Variants in ERBB4 observed in about 807,000 individuals in gnomAD.
ERBB4 encodes the protein receptor tyrosine-protein kinase erbB-4.
In ERBB4, 42 loss-of-function variants were observed where a neutral mutation model predicts 158.0. That is an observed-to-expected ratio of 0.27 (90% CI 0.21 to 0.34). The LOEUF is 0.34. Among genes scored for constraint, ERBB4 ranks in the 10% least tolerant of loss-of-function variants. The probability of loss-of-function intolerance (pLI) is 1.00; values close to 1 mark genes in which losing one functional copy is unlikely to be tolerated. For missense variants in ERBB4, 1,333 were observed against 1,624.1 expected (o/e 0.82, Z 3.08); for synonymous variants, 583 against 558.7 (o/e 1.04, Z -0.61).
chr2:211,692,967 T>C (rs1414016714), intron 12 of ERBB4, among the ~76,000 whole-genome samples: 1 of 152,166 alleles, frequency 6.6e-6, no homozygotes, highest in Non-Finnish European at 1.5e-5. Flanking sequence ...ACAAAGAAGT[T>C]GGGGAAGCAG....
chr2:212,267,427 A>G (rs1167389445), intron 1 of ERBB4, among the ~76,000 whole-genome samples: 2 of 151,828 alleles, frequency 1.3e-5, no homozygotes, highest in Non-Finnish European at 2.9e-5. Flanking sequence ...AACTTCTGTG[A>G]CCTATATTTG....
intron 1 of ERBB4, among the ~76,000 whole-genome samples, chr2:212,442,941 G>T (rs537626026): frequency 2.4e-4 from 36 of 152,368 alleles, no homozygotes; most frequent in Non-Finnish European, 4.3e-4. Flanking sequence ...GCAGAAGACA[G>T]ATGGATCTTG....
chr2:211,596,674 C>T (rs569170297), intron 19 of ERBB4, among the ~76,000 whole-genome samples: 1 of 152,102 alleles, frequency 6.6e-6, no homozygotes, highest in African/African-American at 2.4e-5. Flanking sequence ...CTCTTGATGA[C>T]TTTTTTTCCC....
intron 20 of ERBB4, among the ~76,000 whole-genome samples, chr2:211,548,734 G>T (rs2067005265): frequency 6.6e-6 from 1 of 152,030 alleles, no homozygotes; most frequent in Admixed American, 6.5e-5. Flanking sequence ...CACATTAGAT[G>T]ATCTTAAAGC....
At chr2:211,977,591 G>A (rs959462414) in intron 2 of ERBB4, among the ~76,000 whole-genome samples, 6 of 141,514 alleles carry the variant, frequency 4.2e-5, no homozygotes, top group African/African-American at 7.8e-5. Context: ...TAATCCTAGC[G>A]CTTTGGGAGC....
At chr2:211,408,158 A>G (rs2125370636) in intron 25 of ERBB4, among the ~76,000 whole-genome samples, 1 of 152,348 alleles carries the variant, frequency 6.6e-6, no homozygotes, top group Middle Eastern at 3.4e-3. Context: ...AAAGTTGATG[A>G]TAATGTGCCA....
chr2:211,965,030 C>G (rs922722730), intron 2 of ERBB4, among the ~76,000 whole-genome samples: 1 of 152,182 alleles, frequency 6.6e-6, no homozygotes, highest in Non-Finnish European at 1.5e-5. Context: ...TTCCTCCACA[C>G]AGACTATTAC....
At chr2:212,010,791 C>T (rs1575511952) in intron 2 of ERBB4, among the ~76,000 whole-genome samples, 1 of 152,110 alleles carries the variant, frequency 6.6e-6, no homozygotes, top group African/African-American at 2.4e-5. Context: ...TTATCTCAAC[C>T]ACATAAGACA....
At chr2:211,397,560 A>G (rs2125344181) in intron 25 of ERBB4, among the ~76,000 whole-genome samples, 1 of 152,274 alleles carries the variant, frequency 6.6e-6, no homozygotes, top group East Asian at 1.9e-4. Context: ...CCTAATTAGA[A>G]AAACATCTAT....
intron 1 of ERBB4, among the ~76,000 whole-genome samples, chr2:212,293,193 A>G (rs148834531): frequency 3.9e-5 from 6 of 152,132 alleles, no homozygotes; most frequent in Non-Finnish European, 8.8e-5. Context: ...TTCCAAGCAT[A>G]TAAGTATTTT....
intron 3 of ERBB4, among the ~76,000 whole-genome samples, chr2:211,913,639 G>A (rs1181927985): frequency 3.6e-5 from 5 of 137,774 alleles, no homozygotes; most frequent in African/African-American, 5.1e-5. Context: ...GTGTGTGTGT[G>A]TGTGTGTGTG....
chr2:212,458,723 C>T (rs1269328633), intron 1 of ERBB4, among the ~76,000 whole-genome samples: 2 of 151,768 alleles, frequency 1.3e-5, no homozygotes, highest in Non-Finnish European at 2.9e-5. Flanking sequence ...GGGTTCCAGA[C>T]AGAAACTACT....
At chr2:211,645,293 G>C (rs2070746204) in intron 16 of ERBB4, among the ~76,000 whole-genome samples, 1 of 151,438 alleles carries the variant, frequency 6.6e-6, no homozygotes, top group African/African-American at 2.4e-5. Context: ...AGACAGAGAG[G>C]GAGAAGCCCT....
rs577035372 is a variant in ERBB4, at chr2:211,420,326, T to C, written c.3135+115A>G. The C allele has an allele frequency of 1.0e-5, 8 of 767,466 alleles. No homozygotes were observed. In the African/African-American group the frequency reaches 1.0e-4, roughly 10 times the overall value. The allele number at this position is 767,466 out of a possible 1,614,324, so 47.5% of individuals were successfully genotyped here. On this transcript the variant is annotated intron_variant, in intron 25 of 27. Coordinates refer to ENST00000342788, the MANE Select transcript of ERBB4 (RefSeq NM_005235.3). ...TTGTGGGTATGGTATATTTTTAATCTAGGCATCACATTGATTTGAGCTATA... is the reference window on the plus strand; with the variant it reads ...TTGTGGGTATGGTATATTTTTAATCCAGGCATCACATTGATTTGAGCTATA...
chr2:211,809,732 C>T (rs1473648482), intron 3 of ERBB4, among the ~76,000 whole-genome samples: 1 of 152,072 alleles, frequency 6.6e-6, no homozygotes, highest in African/African-American at 2.4e-5. Context: ...CTTCTGCTAG[C>T]TTTTGAATTT....
At chr2:211,636,540 T>C (rs560062037) in intron 16 of ERBB4, among the ~76,000 whole-genome samples, 59 of 152,100 alleles carry the variant, frequency 3.9e-4, no homozygotes, top group African/African-American at 1.3e-3. Flanking sequence ...AGTTTAGGAA[T>C]TATTCATCCC....
intron 1 of ERBB4, among the ~76,000 whole-genome samples, chr2:212,501,611 T>C (rs1255217455): frequency 3.3e-5 from 5 of 152,160 alleles, no homozygotes; most frequent in Non-Finnish European, 7.4e-5. Context: ...ATTAAGTATG[T>C]ACCCTGAAAA....
At chr2:211,724,459 C>T (rs1038020201) in intron 6 of ERBB4, among the ~76,000 whole-genome samples, 2 of 148,458 alleles carry the variant, frequency 1.3e-5, no homozygotes, top group Non-Finnish European at 3.0e-5. Flanking sequence ...TGTATTTTTA[C>T]GATTTTTAGC....
chr2:211,515,050 T>A (rs1010070020), intron 20 of ERBB4, among the ~76,000 whole-genome samples: 1 of 152,156 alleles, frequency 6.6e-6, no homozygotes, highest in South Asian at 2.1e-4. Context: ...AGGCTTCATA[T>A]AGCAGGTTAG....
Sources: allele counts gnomAD v4.1 joint callset (sites outside exome capture counted in the v4.1 genomes callset), GRCh38; gene constraint gnomAD v4.1.1; transcripts MANE v1.5; gene names NCBI Gene and HGNC (gene_info 2026-07-23, HGNC 2026-07-21).